The following KIF13B variants were observed in gnomAD, a reference collection of about 807,000 sequenced individuals.
KIF13B encodes kinesin-like protein KIF13B.
KIF13B carries 127 observed loss-of-function variants against 222.0 expected under a neutral mutation model. The observed-to-expected ratio is 0.57, with a 90% CI of 0.50 to 0.66. The LOEUF (loss-of-function observed/expected upper bound fraction) is 0.66, where lower values mean the gene tolerates loss of function less well. KIF13B is among the 30% of genes least tolerant of loss of function. The probability of loss-of-function intolerance (pLI) is 0.00; values close to 1 mark genes in which losing one functional copy is unlikely to be tolerated. For missense variants in KIF13B, 2,173 were observed against 2,379.0 expected (o/e 0.91, Z 1.80); for synonymous variants, 976 against 919.0 (o/e 1.06, Z -1.12).
At chr8:29,158,704 T>C (rs750279162) in intron 13 of KIF13B, among the ~76,000 whole-genome samples, 3 of 152,204 alleles carry the variant, frequency 2.0e-5, no homozygotes, top group African/African-American at 7.2e-5. Context: ...ATGTGCTTTG[T>C]CTTGAAGATA....
intron 6 of KIF13B, among the ~76,000 whole-genome samples, chr8:29,185,102 T>C (rs1043270468): frequency 6.6e-6 from 1 of 152,100 alleles, no homozygotes; most frequent in African/African-American, 2.4e-5. Context: ...TTGTTCCATG[T>C]TGACTTCTGT....
In KIF13B at chr8:29,071,809, C is replaced by G. The variant is rs1214927565; in HGVS notation, c.5029G>C (p.Ala1677Pro). Residue 1677 changes from alanine (A) to proline (P), a missense_variant, in exon 39 of 40, where the codon GCG (alanine) becomes CCG (proline). This residue lies in a region of KIF13B where 693 missense variants were observed against 656.2 expected (regional missense o/e 1.06). Coordinates refer to ENST00000524189, the MANE Select transcript of KIF13B (RefSeq NM_015254.4). The surrounding 1 kb of genome is among the most constrained non-coding windows in gnomAD (Gnocchi z 4.9). ...PGCSPGAEGN[A>P]PAPGAGGQAL... ...TGTCCCCCGGCGCCCGGGGCCGGCG[C>G]ATTCCCCTCGGCCCCCGGGGAGCAG... is the stretch of plus-strand genomic sequence containing the variant. The G allele has an allele frequency of 6.5e-7, 1 of 1,544,882 alleles. No homozygotes were observed. The highest frequency in any genetic ancestry group is 8.7e-7 in the Non-Finnish European group (1 of 1,146,148).
chr8:29,072,266 C>T lies in KIF13B; in HGVS notation c.4572G>A (p.Pro1524=), dbSNP rs1397203522. 3 of 1,472,328 alleles carry T rather than the reference C, an allele frequency of 2.0e-6. No individual in the cohort carries two copies. The highest frequency in any genetic ancestry group is 2.7e-6 in the Non-Finnish European group (3 of 1,113,220). 91.2% of individuals were successfully genotyped at this position (1,472,328 alleles called of 1,614,324 possible). The change falls in exon 39 of 40, where the codon CCG becomes CCA. Residue 1524 remains proline (P), a synonymous_variant. Transcript: ENST00000524189. The part of the protein sequence containing the change: ...PDVLVQTMGA[P]ALKICDKPAK... ...CAGGTTTGTCGCAGATCTTCAAGGC[C>T]GGGGCCCCCATCGTCTGCACCAGCA...
Position 29,132,373 on chromosome 8 carries a change from G to A in KIF13B, c.2877C>T (p.Pro959=), listed in dbSNP as rs751862678. ...AATCCCACAGGGCGGGGTTTTTCCGGGGATCGTTTATTTTATGTCCATATA... is the reference window on the plus strand; with the variant it reads ...AATCCCACAGGGCGGGGTTTTTCCGAGGATCGTTTATTTTATGTCCATATA... ...IEVYGHKIND[P]RKNPALWDLG... Residue 959 remains proline, a synonymous_variant, in exon 23 of 40, where the codon CCC becomes CCT. Transcript: ENST00000524189. 170 of 1,593,798 alleles carry A rather than the reference G, an allele frequency of 1.1e-4. No homozygotes were observed. Among genetic ancestry groups the A allele is most frequent in the Non-Finnish European group, 1.4e-4 (168 of 1,169,196 alleles).
At chr8:29,159,455 T>G (rs1254047619) in intron 13 of KIF13B, among the ~76,000 whole-genome samples, 1 of 152,132 alleles carries the variant, frequency 6.6e-6, no homozygotes, top group Non-Finnish European at 1.5e-5. Flanking sequence ...CAGCCAATAA[T>G]ATATCATTTT....
chr8:29,148,470 C>A, intron 16 of KIF13B, 107 bp downstream of exon 16: 1 of 653,002 alleles, frequency 1.5e-6, no homozygotes. Flanking sequence ...TATTCACGGG[C>A]ACAGTCTCAG....
intron 37 of KIF13B, among the ~76,000 whole-genome samples, chr8:29,088,536 T>C (rs1014031355): frequency 4.6e-5 from 7 of 152,124 alleles, no homozygotes; most frequent in Admixed American, 1.3e-4. Flanking sequence ...GGAGTAGAGA[T>C]TGTTTTAGAA....
At chr8:29,081,447 G>A (rs766308541) in intron 37 of KIF13B, among the ~76,000 whole-genome samples, 6 of 152,128 alleles carry the variant, frequency 3.9e-5, no homozygotes, top group Non-Finnish European at 8.8e-5. Flanking sequence ...GAACAGCCTC[G>A]GCATGTGGGT....
At chr8:29,217,315 T>C (rs1192492651) in intron 2 of KIF13B, among the ~76,000 whole-genome samples, 2 of 152,172 alleles carry the variant, frequency 1.3e-5, no homozygotes, top group African/African-American at 4.8e-5. Context: ...TAAGGTGAAA[T>C]GAGACAGAGG....
At chr8:29,086,910 A>G (rs977504873) in intron 37 of KIF13B, among the ~76,000 whole-genome samples, 4 of 152,276 alleles carry the variant, frequency 2.6e-5, no homozygotes, top group African/African-American at 9.6e-5. Flanking sequence ...AACAGGCACT[A>G]GTAAATAAAA....
At chr8:29,183,168 GTTTTTTT>G (rs58034349) in intron 6 of KIF13B, among the ~76,000 whole-genome samples, 10 of 117,688 alleles carry the variant, frequency 8.5e-5, no homozygotes, top group African/African-American at 2.2e-4. Flanking sequence ...CTTAAAGTTT[GTTTTTTT>G]TTTTTTTTTT....
At position 29,155,961 on chromosome 8, in the gene KIF13B, A is replaced by T. The variant is rs541945601; in HGVS notation, c.1405-105T>A. On this transcript the variant is annotated intron_variant, in intron 13 of 39. Transcript: ENST00000524189. ...ATATTGTCCTATTACCTTTGCGAAA[A>T]TTTTTTTTATTTTTATTTTATTTTT... The T allele has an allele frequency of 1.5e-5, 12 of 824,780 alleles. 1 individual carries two copies. The South Asian group carries it at 1.5e-4, about 11-fold the overall frequency. The allele number at this position is 824,780 out of a possible 1,614,324, so 51.1% of individuals were successfully genotyped here.
At chr8:29,075,383 G>T in intron 37 of KIF13B, 40 bp from the exon 38 acceptor site, 1 of 1,529,910 alleles carries the variant, frequency 6.5e-7, no homozygotes, top group Non-Finnish European at 8.8e-7. Flanking sequence ...CGAGAGGACA[G>T]AACAGGGGTA....
At chr8:29,263,202 T>C (rs957846076), upstream of KIF13B, 4 of 598,542 alleles carry the variant, frequency 6.7e-6, no homozygotes, top group African/African-American at 4.0e-5. Context: ...GCGGGACTTG[T>C]AGTTCCCCAG....
chr8:29,130,434 G>A (rs902376015), intron 24 of KIF13B, 99 bp downstream of exon 24: 6 of 1,229,034 alleles, frequency 4.9e-6, no homozygotes, highest in Non-Finnish European at 5.9e-6. Flanking sequence ...GACTTGGCCA[G>A]TCTAGATTTC....
intron 5 of KIF13B, among the ~76,000 whole-genome samples, chr8:29,186,681 G>A: frequency 6.6e-6 from 1 of 152,130 alleles, no homozygotes; most frequent in African/African-American, 2.4e-5. Context: ...AAATAGGCTG[G>A]GTGCGGTGGC....
At chr8:29,181,774 C>A (rs867901994) in intron 7 of KIF13B, 145 bp downstream of exon 7, 1 of 496,068 alleles carries the variant, frequency 2.0e-6, no homozygotes, top group Non-Finnish European at 3.5e-6. Context: ...GATCAACTAT[C>A]TCATTTTTAG....
Position 29,134,340 on chromosome 8 carries a change from CA to C in KIF13B, c.2614-131del, listed in dbSNP as rs1183668421. Reference sequence around the variant, plus strand: ...ATATTTATGTTGGCCAAATCCCATTCACCCTGAGACTGGACTTCTGCATCTG... The same window carrying C: ...ATATTTATGTTGGCCAAATCCCATTCCCCTGAGACTGGACTTCTGCATCTG... On this transcript the variant is annotated intron_variant, in intron 21 of 39. Coordinates refer to ENST00000524189, the MANE Select transcript of KIF13B (RefSeq NM_015254.4). The C allele has an allele frequency of 1.4e-5, 11 of 768,016 alleles. No homozygotes were observed. The African/African-American group carries it at 1.7e-4, about 12-fold the overall frequency. 47.6% of individuals were successfully genotyped at this position (768,016 alleles called of 1,614,324 possible).
At chr8:29,245,191 T>C (rs1167390470) in intron 2 of KIF13B, among the ~76,000 whole-genome samples, 155 bp downstream of exon 2, 1 of 152,198 alleles carries the variant, frequency 6.6e-6, no homozygotes, top group Non-Finnish European at 1.5e-5. Flanking sequence ...ATTATAGACT[T>C]CATCTCTTCA....
Sources: gnomAD v4.1 joint callset for allele counts (sites outside exome capture counted in the v4.1 genomes callset) on GRCh38, gnomAD v4.1.1 for gene constraint, gnomAD v4.1.1 regional missense constraint, Gnocchi (gnomAD v3.1) non-coding constraint, MANE v1.5 for transcripts, NCBI Gene and HGNC (gene_info 2026-07-23, HGNC 2026-07-21) for gene names.